FAF1: variants seen among roughly 807,000 people sequenced by gnomAD.
FAF1 encodes Fas associated factor 1, also known as FAS-associated factor 1.
In FAF1, 25 loss-of-function variants were observed where a neutral mutation model predicts 92.5. The ratio of observed to expected loss-of-function variants is 0.27; its 90% CI spans 0.20 to 0.38. FAF1 has a LOEUF of 0.38. Ranked by LOEUF, FAF1 falls within the 10% of genes least tolerant of loss-of-function variation. FAF1 has a pLI of 1.00. For missense variants in FAF1, 636 were observed against 793.3 expected, an observed-to-expected ratio of 0.80 and a Z score of 2.38; for synonymous variants, 234 against 273.2, an observed-to-expected ratio of 0.86 and a Z score of 1.42.
intron 6 of FAF1, among the ~76,000 whole-genome samples, chr1:50,712,960 T>C (rs999617841): frequency 4.0e-5 from 6 of 151,608 alleles, no homozygotes; most frequent in Non-Finnish European, 8.8e-5. Flanking sequence ...CCAGGAGTTC[T>C]AGACTAGCCT....
At chr1:50,582,940 G>T (rs75063675) in intron 11 of FAF1, among the ~76,000 whole-genome samples, 13,965 of 152,044 alleles carry the variant, frequency 0.092, 823 homozygotes, top group African/African-American at 0.17. Flanking sequence ...TTTAATAAGT[G>T]CTATAAAACC....
chr1:50,577,867 A>G (rs1650823826), intron 12 of FAF1, among the ~76,000 whole-genome samples: 1 of 152,220 alleles, frequency 6.6e-6, no homozygotes, highest in Non-Finnish European at 1.5e-5. Context: ...CTACTTTACC[A>G]AAGTTGGAAG....
At chr1:50,642,204 G>GAAA (rs1199936049) in intron 8 of FAF1, among the ~76,000 whole-genome samples, 1 of 78,468 alleles carries the variant, frequency 1.3e-5, no homozygotes, top group African/African-American at 4.6e-5. Flanking sequence ...CTTTGTCTCA[G>GAAA]AAAAAAAAAA....
intron 1 of FAF1, among the ~76,000 whole-genome samples, chr1:50,933,376 C>T (rs561147122): frequency 6.6e-6 from 1 of 152,252 alleles, no homozygotes; most frequent in South Asian, 2.1e-4. Flanking sequence ...GTTCAAAGTT[C>T]CACAAATCTT....
chr1:50,663,036 C>A (rs1339038873), intron 7 of FAF1, among the ~76,000 whole-genome samples: 1 of 151,442 alleles, frequency 6.6e-6, no homozygotes, highest in African/African-American at 2.4e-5. Context: ...CTGGATTTTA[C>A]GATAAAAGAC....
intron 17 of FAF1, among the ~76,000 whole-genome samples, chr1:50,483,478 A>C (rs998680825): frequency 7.9e-5 from 12 of 152,190 alleles, no homozygotes; most frequent in African/African-American, 2.9e-4. Flanking sequence ...TTTTCATATA[A>C]ATTTAAGAAT....
intron 8 of FAF1, among the ~76,000 whole-genome samples, chr1:50,648,651 G>A (rs1057093315): frequency 2.0e-5 from 3 of 152,148 alleles, no homozygotes; most frequent in Non-Finnish European, 1.5e-5. Flanking sequence ...CTTTGGCTGG[G>A]CGCGGTGGCT....
At chr1:50,860,631 G>A (rs1644424775) in intron 1 of FAF1, among the ~76,000 whole-genome samples, 2 of 151,532 alleles carry the variant, frequency 1.3e-5, no homozygotes, top group South Asian at 2.1e-4. Flanking sequence ...AGATACAAAG[G>A]GAATATTTAT....
At chr1:50,880,262 TTC>T (rs1247909762) in intron 1 of FAF1, among the ~76,000 whole-genome samples, 2 of 152,034 alleles carry the variant, frequency 1.3e-5, no homozygotes, top group East Asian at 1.9e-4. Context: ...GAAATAAGAT[TTC>T]TGTTAATTAA....
intron 13 of FAF1, among the ~76,000 whole-genome samples, chr1:50,559,505 C>T (rs988578715): frequency 2.0e-5 from 3 of 152,188 alleles, no homozygotes; most frequent in African/African-American, 7.2e-5. Context: ...AAACCCTACA[C>T]TAATAAAGTC....
At chr1:50,784,706 A>G (rs1220882951) in intron 4 of FAF1, among the ~76,000 whole-genome samples, 1 of 152,158 alleles carries the variant, frequency 6.6e-6, no homozygotes, top group Non-Finnish European at 1.5e-5. Flanking sequence ...ATAAGTAACC[A>G]CAAGGAACTC....
At chr1:50,822,146 A>G (rs1330810469) in intron 2 of FAF1, among the ~76,000 whole-genome samples, 3 of 151,780 alleles carry the variant, frequency 2.0e-5, no homozygotes, top group Admixed American at 1.3e-4. Flanking sequence ...TTTTTTTTCC[A>G]GGAGAAAAAA....
intron 8 of FAF1, among the ~76,000 whole-genome samples, chr1:50,650,768 T>C (rs1654828293): frequency 6.6e-6 from 1 of 152,204 alleles, no homozygotes; most frequent in Non-Finnish European, 1.5e-5. Flanking sequence ...AGTGTTAAAA[T>C]TATTTCTCCT....
chr1:50,658,366 A>C (rs1340710068), intron 7 of FAF1, among the ~76,000 whole-genome samples: 1 of 152,206 alleles, frequency 6.6e-6, no homozygotes, highest in East Asian at 1.9e-4. Context: ...TGTAAAGTAC[A>C]CACAAATACT....
At chr1:50,908,460 T>C (rs1474367731) in intron 1 of FAF1, among the ~76,000 whole-genome samples, 1 of 152,198 alleles carries the variant, frequency 6.6e-6, no homozygotes, top group East Asian at 1.9e-4. Flanking sequence ...CTGTCTAATG[T>C]TGATAGTGGG....
At chr1:50,913,250 T>A (rs1177905438) in intron 1 of FAF1, among the ~76,000 whole-genome samples, 1 of 152,236 alleles carries the variant, frequency 6.6e-6, no homozygotes, top group Non-Finnish European at 1.5e-5. Context: ...CAATTAATAC[T>A]TGTTAAAAGG....
intron 2 of FAF1, among the ~76,000 whole-genome samples, chr1:50,802,935 C>T (rs1335516787): frequency 2.0e-5 from 3 of 152,166 alleles, no homozygotes; most frequent in African/African-American, 7.2e-5. Context: ...CACCATCGTA[C>T]TGTTGAATGG....
chr1:50,731,206 G>A (rs1173392595), intron 6 of FAF1, among the ~76,000 whole-genome samples: 1 of 152,056 alleles, frequency 6.6e-6, no homozygotes, highest in Non-Finnish European at 1.5e-5. Context: ...TAGGCTTTAG[G>A]CTGTCCACCA....
At position 50,441,348 on chromosome 1, in the gene FAF1, G is replaced by A; in HGVS notation, c.*92C>T. On this transcript the variant is annotated 3_prime_UTR_variant, in exon 19 of 19. Coordinates refer to ENST00000396153, the MANE Select transcript of FAF1 (RefSeq NM_007051.3). ...AGAAGTGTGACATTGAATTGAGTGA[G>A]ACGAGCGTGTGGGTGGGTTGGCGAG... 1 of 661,424 alleles carries A rather than the reference G, an allele frequency of 1.5e-6. No homozygotes were observed. The highest frequency in any genetic ancestry group is 2.5e-6 in the Non-Finnish European group (1 of 393,228). The allele number at this position is 661,424 out of a possible 1,614,324, so 41.0% of individuals were successfully genotyped here. A position where few individuals can be genotyped will look rare whatever the true frequency, so the allele number is the denominator to read the frequency against.
Sources: gnomAD v4.1 joint callset for allele counts (sites outside exome capture counted in the v4.1 genomes callset) on GRCh38, gnomAD v4.1.1 for gene constraint, MANE v1.5 for transcripts, NCBI Gene and HGNC (gene_info 2026-07-23, HGNC 2026-07-21) for gene names.